Variants in RAF1 observed in about 807,000 individuals in gnomAD.
RAF1 encodes Raf-1 proto-oncogene, serine/threonine kinase.
RAF1 carries 27 observed loss-of-function variants against 81.1 expected under a neutral mutation model. That is an observed-to-expected ratio of 0.33 (90% confidence interval 0.25 to 0.46). The LOEUF (loss-of-function observed/expected upper bound fraction) is 0.46. RAF1 is among the 20% of genes least tolerant of loss of function. RAF1 has a pLI of 1.00. For synonymous variants in RAF1, 298 were observed against 294.0 expected, an observed-to-expected ratio of 1.01 and a Z score of -0.14; for missense variants, 598 against 826.0, an observed-to-expected ratio of 0.72 and a Z score of 3.38.
chr3:12,653,714 G>A (rs1312449675), intron 1 of RAF1, among the ~76,000 whole-genome samples: 3 of 152,018 alleles, frequency 2.0e-5, no homozygotes. Context: ...ACTCCAGCCT[G>A]GGCGACAGAG....
chr3:12,586,142 G>A (rs907662402), intron 14 of RAF1, among the ~76,000 whole-genome samples: 1 of 152,210 alleles, frequency 6.6e-6, no homozygotes, highest in African/African-American at 2.4e-5. Context: ...CTAACAGGAT[G>A]AGCAGAGGCC....
At position 12,590,327 on chromosome 3, in the gene RAF1, CTT is replaced by C. The variant is rs11285580; in HGVS notation, c.1430+469_1430+470del. 9.8e-3 allele frequency: 1,461 copies of C among 149,676 alleles called. 3 individuals carry two copies. The highest frequency in any genetic ancestry group is 0.021 in the South Asian group (109 of 5,252). The allele number at this position is 149,676 out of a possible 1,614,324, so 9.3% of individuals were successfully genotyped here. ...GTCCCAAGGAGGAACCTGAACTTCT[CTT>C]TTTTTTTTTTTGAGACAGAGTCTCG... On this transcript the variant is annotated intron_variant, in intron 13 of 17. Transcript: ENST00000442415.
intron 13 of RAF1, chr3:12,589,510 G>A (rs904356991): frequency 1.3e-5 from 2 of 152,150 alleles, no homozygotes; most frequent in African/African-American, 4.8e-5. Context: ...AGTTTGAGAA[G>A]CACTACCCTA....
At chr3:12,617,070 T>C (rs2059391459) in intron 2 of RAF1, among the ~76,000 whole-genome samples, 1 of 151,364 alleles carries the variant, frequency 6.6e-6, no homozygotes, top group Non-Finnish European at 1.5e-5. Context: ...GAGTACCGAG[T>C]AGCTGGGACT....
At chr3:12,662,064 C>G (rs2060895295) in intron 1 of RAF1, among the ~76,000 whole-genome samples, 2 of 151,690 alleles carry the variant, frequency 1.3e-5, no homozygotes, top group African/African-American at 4.8e-5. Flanking sequence ...GTGGCTCACC[C>G]CTGTAATCCC....
At chr3:12,605,400 C>A (rs2058995269) in intron 6 of RAF1, among the ~76,000 whole-genome samples, 1 of 151,926 alleles carries the variant, frequency 6.6e-6, no homozygotes, top group African/African-American at 2.4e-5. Context: ...CTTCAGCCTC[C>A]CAAGTACCTG....
At chr3:12,649,388 A>C (rs1200251972) in intron 1 of RAF1, among the ~76,000 whole-genome samples, 1 of 152,160 alleles carries the variant, frequency 6.6e-6, no homozygotes, top group African/African-American at 2.4e-5. Context: ...GCTTGAGCCA[A>C]GGAGTTCAAG....
chr3:12,637,347 A>AT (rs67289280), intron 1 of RAF1, among the ~76,000 whole-genome samples: 126,260 of 149,884 alleles, frequency 0.84, 53,570 homozygotes, highest in African/African-American at 0.95. Context: ...TTCTATTAAC[A>AT]TTTTTTTTTT....
At chr3:12,594,479 C>G (rs923848751) in intron 11 of RAF1, among the ~76,000 whole-genome samples, 5 of 152,196 alleles carry the variant, frequency 3.3e-5, no homozygotes, top group Non-Finnish European at 7.3e-5. Context: ...TGGGCATGCT[C>G]TAGTTGTCAC....
intron 1 of RAF1, among the ~76,000 whole-genome samples, chr3:12,650,568 C>T (rs1193588903): frequency 1.3e-5 from 2 of 152,016 alleles, no homozygotes; most frequent in African/African-American, 4.8e-5. Flanking sequence ...TAGACTGTAA[C>T]CCAGCATGGA....
intron 8 of RAF1, 86 bp from the exon 8 acceptor site, chr3:12,600,501 G>C: frequency 2.1e-6 from 3 of 1,401,134 alleles, no homozygotes; most frequent in South Asian, 1.2e-5. Context: ...GGATGTGCAA[G>C]AACAAAATAG....
intron 8 of RAF1, among the ~76,000 whole-genome samples, chr3:12,602,849 T>C (rs892059290): frequency 6.6e-6 from 1 of 152,170 alleles, no homozygotes; most frequent in African/African-American, 2.4e-5. Context: ...AGCAGGTGTC[T>C]ACATGATGAG....
chr3:12,630,520 T>C (rs932415857), intron 1 of RAF1, among the ~76,000 whole-genome samples: 1 of 152,176 alleles, frequency 6.6e-6, no homozygotes, highest in Non-Finnish European at 1.5e-5. Flanking sequence ...GAGGTCACAG[T>C]AGGTCTCAAC....
At position 12,583,969 on chromosome 3, in the gene RAF1, A is replaced by G; in HGVS notation, c.*545T>C. On this transcript the variant is annotated 3_prime_UTR_variant, in exon 18 of 18. Transcript: ENST00000442415. ...CTGTGAAAGGAGGACGTGTCCCCTA[A>G]GAAAAGTTCCATAGTACCAAAGCAG... 1 of 244,862 alleles carries G rather than the reference A, an allele frequency of 4.1e-6. No homozygotes were observed. The highest frequency in any genetic ancestry group is 1.4e-4 in the South Asian group (1 of 7,044). 15.2% of individuals were successfully genotyped at this position (244,862 alleles called of 1,614,324 possible).
At chr3:12,659,850 A>C (rs1443534666) in intron 1 of RAF1, among the ~76,000 whole-genome samples, 2 of 152,180 alleles carry the variant, frequency 1.3e-5, no homozygotes, top group East Asian at 1.9e-4. Context: ...TCCCAAGCTC[A>C]AGATTATTAT....
intron 3 of RAF1, among the ~76,000 whole-genome samples, chr3:12,611,238 TAGAC>T (rs2059197474): frequency 6.6e-6 from 1 of 152,072 alleles, no homozygotes; most frequent in Non-Finnish European, 1.5e-5. Context: ...CTTTTTTTAA[TAGAC>T]AGGATCTTGC....
intron 5 of RAF1, among the ~76,000 whole-genome samples, chr3:12,607,846 G>C (rs557754685): frequency 9.3e-4 from 141 of 151,200 alleles, no homozygotes; most frequent in African/African-American, 3.3e-3. Flanking sequence ...AGCTACTCGG[G>C]AGGCTGAGGC....
chr3:12,592,434 C>T (rs2058545348), intron 11 of RAF1, among the ~76,000 whole-genome samples: 1 of 152,212 alleles, frequency 6.6e-6, no homozygotes, highest in Non-Finnish European at 1.5e-5. Flanking sequence ...TCTAATAATA[C>T]TGAATCCTGG....
At position 12,663,312 on chromosome 3, in the gene RAF1, A is replaced by T. The variant is rs111995696; in HGVS notation, c.-27+501T>A. On this transcript the variant is annotated intron_variant, in intron 1 of 17. Coordinates refer to ENST00000442415, the MANE Select transcript of RAF1 (RefSeq NM_001354689.3). ...ATACCCAAGGCTAGTCCTGATACCC[A>T]AGAAGAGGCCCCTGTGCCTTTGTGG... is the stretch of plus-strand genomic sequence containing the variant. Among the ~76,000 whole-genome samples the T allele has an allele frequency of 5.3e-5, 8 of 152,254 alleles. 1 individual carries two copies. Among genetic ancestry groups the T allele is most frequent in the African/African-American group, 1.9e-4 (8 of 41,556 alleles).
Sources: allele counts gnomAD v4.1 joint callset (sites outside exome capture counted in the v4.1 genomes callset), GRCh38; gene constraint gnomAD v4.1.1; transcripts MANE v1.5; gene names NCBI Gene and HGNC (gene_info 2026-07-23, HGNC 2026-07-21).